The following GPX6 variants were observed in gnomAD, a reference collection of about 807,000 sequenced individuals.
GPX6 encodes the protein glutathione peroxidase 6.
A neutral mutation model predicts 20.0 loss-of-function variants in GPX6; 21 were observed. The observed-to-expected ratio is 1.05, with a 90% CI of 0.74 to 1.51. The LOEUF (loss-of-function observed/expected upper bound fraction) is 1.51, where lower values mean the gene tolerates loss of function less well. Among genes scored for constraint, GPX6 ranks in the 40% most tolerant of loss-of-function variants. GPX6 has a pLI of 0.00. For missense variants in GPX6, 233 were observed against 254.7 expected (o/e 0.91, Z 0.58); for synonymous variants, 75 against 98.0 (o/e 0.77, Z 1.38).
chr6:28,509,424 C>G (rs1762838743), intron 2 of GPX6, among the ~76,000 whole-genome samples: 1 of 150,990 alleles, frequency 6.6e-6, no homozygotes, highest in South Asian at 2.1e-4. Context: ...ATCACAGCTA[C>G]TCGGGAGGCT....
At chr6:28,512,601 T>A (rs549228385) in intron 1 of GPX6, among the ~76,000 whole-genome samples, 44 of 152,264 alleles carry the variant, frequency 2.9e-4, no homozygotes, top group African/African-American at 9.9e-4. Context: ...CAGATAAGAA[T>A]AAAAGGCGGC....
intron 2 of GPX6, among the ~76,000 whole-genome samples, chr6:28,509,393 A>G (rs2113600595): frequency 6.6e-6 from 1 of 150,616 alleles, no homozygotes; most frequent in Admixed American, 6.6e-5. Flanking sequence ...AATTAGCTAG[A>G]TATAGTGGTG....
intron 1 of GPX6, among the ~76,000 whole-genome samples, chr6:28,513,318 C>T (rs914048498): frequency 6.6e-6 from 1 of 152,278 alleles, no homozygotes; most frequent in African/African-American, 2.4e-5. Context: ...CTAAGAGCAC[C>T]CTGTAACACA....
At chr6:28,511,360 T>C (rs1283203130) in intron 1 of GPX6, among the ~76,000 whole-genome samples, 1 of 152,244 alleles carries the variant, frequency 6.6e-6, no homozygotes, top group African/African-American at 2.4e-5. Context: ...CTTCTCCAGA[T>C]GCCACTGAAG....
At chr6:28,513,387 C>G (rs1161960245) in intron 1 of GPX6, among the ~76,000 whole-genome samples, 3 of 152,190 alleles carry the variant, frequency 2.0e-5, no homozygotes. Context: ...AAGGTTGGAG[C>G]TCCACAATCT....
intron 1 of GPX6, among the ~76,000 whole-genome samples, chr6:28,512,913 A>G (rs1414941083): frequency 1.3e-5 from 2 of 152,106 alleles, no homozygotes; most frequent in African/African-American, 4.8e-5. Flanking sequence ...CAAGACCACA[A>G]ACCCGCCAGA....
At chr6:28,513,567 G>A (rs1232049742) in intron 1 of GPX6, among the ~76,000 whole-genome samples, 2 of 152,140 alleles carry the variant, frequency 1.3e-5, no homozygotes, top group African/African-American at 4.8e-5. Flanking sequence ...ATATTGTGGT[G>A]AAACAGCCTG....
intron 1 of GPX6, among the ~76,000 whole-genome samples, chr6:28,513,601 T>C (rs1328874870): frequency 6.6e-6 from 1 of 152,084 alleles, no homozygotes; most frequent in Non-Finnish European, 1.5e-5. Context: ...TTAAAGTTCA[T>C]AAAATAGCAC....
At chr6:28,512,925 G>A (rs564743784) in intron 1 of GPX6, among the ~76,000 whole-genome samples, 2 of 152,266 alleles carry the variant, frequency 1.3e-5, no homozygotes, top group South Asian at 2.1e-4. Context: ...CCCGCCAGAA[G>A]GAACAAACTC....
intron 1 of GPX6, among the ~76,000 whole-genome samples, chr6:28,512,520 A>G (rs1209754484): frequency 6.6e-6 from 1 of 152,166 alleles, no homozygotes; most frequent in Non-Finnish European, 1.5e-5. Flanking sequence ...AAAGGCACCA[A>G]TCCGCACCCT....
At position 28,510,782 on chromosome 6, in the gene GPX6, G is replaced by A. The variant is rs755684249; in HGVS notation, c.210C>T (p.Ala70=). Residue 70 remains alanine (A), a synonymous_variant, in exon 2 of 5, where the codon GCC becomes GCT. Coordinates refer to ENST00000361902, the MANE Select transcript of GPX6 (RefSeq NM_182701.1). ...AGKHVLFVNV[A]AYUGLAAQYP... ...ACTGAGCTGCCAAGCCTCAATAGGC[G>A]GCCACATTGACAAACAGGACGTGCT... is the stretch of plus-strand genomic sequence containing the variant. 3 of 1,613,902 alleles carry A rather than the reference G, an allele frequency of 1.9e-6. No homozygotes were observed. Among genetic ancestry groups the A allele is most frequent in the Non-Finnish European group, 1.7e-6 (2 of 1,179,938 alleles).
chr6:28,509,983 G>A (rs183189789), intron 2 of GPX6, among the ~76,000 whole-genome samples: 7 of 152,314 alleles, frequency 4.6e-5, no homozygotes, highest in Admixed American at 4.6e-4. Flanking sequence ...AGAAGTAACC[G>A]ATGAGAAGCA....
At chr6:28,512,874 G>A (rs1762924306) in intron 1 of GPX6, among the ~76,000 whole-genome samples, 1 of 151,914 alleles carries the variant, frequency 6.6e-6, no homozygotes, top group Non-Finnish European at 1.5e-5. Context: ...CTTCACTCTT[G>A]AGCCTCTGCA....
intron 1 of GPX6, among the ~76,000 whole-genome samples, chr6:28,513,778 A>T (rs1263839123): frequency 1.3e-5 from 2 of 152,242 alleles, no homozygotes; most frequent in Non-Finnish European, 2.9e-5. Context: ...ACAGGATCTC[A>T]GTCCATAAAA....
At chr6:28,514,296 C>G (rs1306979506) in intron 1 of GPX6, among the ~76,000 whole-genome samples, 1 of 152,166 alleles carries the variant, frequency 6.6e-6, no homozygotes, top group Non-Finnish European at 1.5e-5. Context: ...ACTGCAGACT[C>G]GAAGAGCTCA....
intron 1 of GPX6, among the ~76,000 whole-genome samples, chr6:28,514,543 G>C (rs894716581): frequency 6.6e-6 from 1 of 152,170 alleles, no homozygotes; most frequent in East Asian, 1.9e-4. Context: ...CTTGTAATAG[G>C]CACCATCTTA....
chr6:28,513,507 T>C (rs532665918), intron 1 of GPX6, among the ~76,000 whole-genome samples: 1 of 152,302 alleles, frequency 6.6e-6, no homozygotes, highest in South Asian at 2.1e-4. Context: ...AAGGGAACTT[T>C]TCCGGTTTCG....
intron 2 of GPX6, 62 bp downstream of exon 2, chr6:28,510,689 G>A (rs1581839335): frequency 1.3e-6 from 2 of 1,544,378 alleles, no homozygotes; most frequent in Non-Finnish European, 8.8e-7. Context: ...AAAACCTTCT[G>A]GAATTAGAAT....
chr6:28,506,524 A>T, intron 2 of GPX6, 95 bp from the exon 3 acceptor site: 1 of 757,068 alleles, frequency 1.3e-6, no homozygotes, highest in South Asian at 1.5e-5. Flanking sequence ...TCACATGAAT[A>T]AACCGAGGAC....
Sources: gnomAD v4.1 joint callset for allele counts (sites outside exome capture counted in the v4.1 genomes callset) on GRCh38, gnomAD v4.1.1 for gene constraint, MANE v1.5 for transcripts, NCBI Gene and HGNC (gene_info 2026-07-23, HGNC 2026-07-21) for gene names.